N4BP2: variants seen among roughly 807,000 people sequenced by gnomAD.
N4BP2 encodes NEDD4 binding protein 2.
In N4BP2, 91 loss-of-function variants were observed where a neutral mutation model predicts 152.8. The observed-to-expected ratio is 0.60, with a 90% CI of 0.50 to 0.71. N4BP2 has a LOEUF of 0.71. Among genes scored for constraint, N4BP2 ranks in the 30% least tolerant of loss-of-function variants. The probability of loss-of-function intolerance (pLI) is 0.00; values close to 1 mark genes in which losing one functional copy is unlikely to be tolerated. For synonymous variants in N4BP2, 646 were observed against 705.3 expected, an observed-to-expected ratio of 0.92 and a Z score of 1.33; for missense variants, 1,923 against 2,059.1, an observed-to-expected ratio of 0.93 and a Z score of 1.28.
At chr4:40,190,337 T>C in the N4BP2 span, among the ~76,000 whole-genome samples, 4 of 152,256 alleles carry the variant, frequency 2.6e-5, no homozygotes, top group Non-Finnish European at 5.9e-5. Flanking sequence ...GGCAACCAGA[T>C]GGCTTCAGGA....
chr4:40,156,116 A>G lies in N4BP2; in HGVS notation c.*1879A>G, dbSNP rs1477975048. Reference sequence around the variant, plus strand: ...ATTGTTAATGAAATAAGATATTCCTATGTATACATTAGTATGATTTAAGGG... The same window carrying G: ...ATTGTTAATGAAATAAGATATTCCTGTGTATACATTAGTATGATTTAAGGG... On this transcript the variant is annotated 3_prime_UTR_variant, in exon 18 of 18. Transcript: ENST00000261435. 2.0e-5 allele frequency: 3 copies of G among 152,318 alleles called. No homozygotes were observed. Among genetic ancestry groups the G allele is most frequent in the East Asian group, 1.9e-4 (1 of 5,188 alleles). 9.4% of individuals were successfully genotyped at this position (152,318 alleles called of 1,614,324 possible). A position where few individuals can be genotyped will look rare whatever the true frequency, so the allele number is the denominator to read the frequency against.
intron 14 of N4BP2, 137 bp downstream of exon 14, chr4:40,137,219 T>C (rs1175987522): frequency 1.5e-5 from 11 of 717,348 alleles, no homozygotes; most frequent in Non-Finnish European, 2.2e-5. Flanking sequence ...CAATGGCATA[T>C]TTGGCTTATA....
At chr4:40,087,571 C>T (rs1197300637) in intron 2 of N4BP2, among the ~76,000 whole-genome samples, 2 of 151,562 alleles carry the variant, frequency 1.3e-5, no homozygotes, top group Non-Finnish European at 2.9e-5. Context: ...TGCCATGTTG[C>T]GTAGGCTGGT....
the N4BP2 span, among the ~76,000 whole-genome samples, chr4:40,182,630 T>C: frequency 1.3e-5 from 2 of 151,906 alleles, no homozygotes; most frequent in African/African-American, 2.4e-5. Context: ...TTTTTTTTTG[T>C]AGAGACGAGG....
downstream of N4BP2, among the ~76,000 whole-genome samples, chr4:40,158,971 C>A (rs1445074176): frequency 6.6e-6 from 1 of 152,112 alleles, no homozygotes; most frequent in Non-Finnish European, 1.5e-5. Flanking sequence ...TATAATTATT[C>A]TTATCAACTC....
At chr4:40,116,588 C>T (rs1424888601) in intron 7 of N4BP2, among the ~76,000 whole-genome samples, 5 of 152,108 alleles carry the variant, frequency 3.3e-5, no homozygotes, top group Non-Finnish European at 7.4e-5. Context: ...TGACACTTGC[C>T]TCCCTCTCAA....
rs538656376 is a variant in N4BP2 at position 40,061,932 on chromosome 4, TG to T, written c.-212+4906del. On this transcript the variant is annotated intron_variant, in intron 1 of 17. Coordinates refer to ENST00000261435, the MANE Select transcript of N4BP2 (RefSeq NM_018177.6). ...TGCCTGCCTCGGCCTCCCAAAGTGC[TG>T]GGGTTACAGGTGTGAACCACCATGC... Among the ~76,000 whole-genome samples, 213 of 152,330 alleles carry T rather than the reference TG, an allele frequency of 1.4e-3. 2 individuals are homozygous for T. The highest frequency in any genetic ancestry group is 4.9e-3 in the African/African-American group (202 of 41,578).
At chr4:40,132,479 C>T (rs1389897811) in intron 13 of N4BP2, among the ~76,000 whole-genome samples, 1 of 151,982 alleles carries the variant, frequency 6.6e-6, no homozygotes, top group Non-Finnish European at 1.5e-5. Context: ...AATGACTAAC[C>T]AAATGAATGG....
chr4:40,085,282 C>A lies in N4BP2; in HGVS notation c.-115+11731C>A, dbSNP rs182101014. ...TGGTCTTGACCTCAGGCAATCTGCC[C>A]GCCTCAGCCTCCCAAAGTGCTGGGA... On this transcript the variant is annotated intron_variant, in intron 2 of 17. Transcript: ENST00000261435. Among the ~76,000 whole-genome samples the A allele has an allele frequency of 2.3e-3, 354 of 151,666 alleles. 7 individuals carry two copies. The highest frequency in any genetic ancestry group is 0.021 in the Admixed American group (324 of 15,202).
intron 16 of N4BP2, among the ~76,000 whole-genome samples, chr4:40,147,675 T>G (rs571611820): frequency 1.6e-5 from 2 of 127,670 alleles, no homozygotes; most frequent in South Asian, 2.7e-4. Flanking sequence ...GCTGGCCGGG[T>G]GGGGGCTGAC....
intron 5 of N4BP2, among the ~76,000 whole-genome samples, chr4:40,111,122 A>C (rs148061796): frequency 5.3e-4 from 81 of 152,134 alleles, no homozygotes; most frequent in African/African-American, 1.9e-3. Flanking sequence ...TGAATATTAG[A>C]TATATGGAAA....
In N4BP2 at chr4:40,107,542, C is replaced by T. The variant is rs1347792556; in HGVS notation, c.1498+518C>T. On this transcript the variant is annotated intron_variant, in intron 5 of 17. Transcript: ENST00000261435. Reference sequence around the variant, plus strand: ...GGGATTACAGGTGCATGCCACCGCACCTGGCTAATTTTTGTATTTTTTATA... The same window carrying T: ...GGGATTACAGGTGCATGCCACCGCATCTGGCTAATTTTTGTATTTTTTATA... 1.3e-5 allele frequency among the ~76,000 whole-genome samples: 2 copies of T among 152,094 alleles called. 1 individual carries two copies. The highest frequency in any genetic ancestry group is 4.1e-4 in the South Asian group (2 of 4,826).
intron 2 of N4BP2, among the ~76,000 whole-genome samples, chr4:40,082,617 ACT>A (rs1713498591): frequency 6.6e-6 from 1 of 152,008 alleles, no homozygotes; most frequent in African/African-American, 2.4e-5. Context: ...ACAGAGTGAG[ACT>A]CTGTCTCCAA....
intron 2 of N4BP2, among the ~76,000 whole-genome samples, chr4:40,075,281 G>C (rs1291518419): frequency 1.3e-5 from 2 of 152,124 alleles, no homozygotes; most frequent in East Asian, 3.8e-4. Context: ...ATTATAGACA[G>C]TATTGATGTA....
chr4:40,127,838 T>A (rs1004652927), intron 12 of N4BP2, among the ~76,000 whole-genome samples: 5 of 152,106 alleles, frequency 3.3e-5, no homozygotes, highest in African/African-American at 1.2e-4. Context: ...TTTTTTGTAT[T>A]TTTTAGTAGA....
At chr4:40,147,908 C>T (rs1391823851) in intron 16 of N4BP2, among the ~76,000 whole-genome samples, 3 of 149,096 alleles carry the variant, frequency 2.0e-5, no homozygotes, top group African/African-American at 7.5e-5. Flanking sequence ...GGGGCAGAGG[C>T]GCTCCCCACA....
intron 2 of N4BP2, among the ~76,000 whole-genome samples, chr4:40,094,539 T>C (rs915071648): frequency 2.6e-5 from 4 of 152,148 alleles, no homozygotes; most frequent in African/African-American, 9.6e-5. Flanking sequence ...AGGGTTGCTA[T>C]ATCTTTTTTA....
At chr4:40,058,508 A>C (rs961702408) in intron 1 of N4BP2, among the ~76,000 whole-genome samples, 5 of 152,172 alleles carry the variant, frequency 3.3e-5, no homozygotes, top group African/African-American at 1.2e-4. Flanking sequence ...AGGAGGCTAC[A>C]ATTTAGTTAA....
At chr4:40,090,828 G>A (rs1266089643) in intron 2 of N4BP2, among the ~76,000 whole-genome samples, 1 of 151,728 alleles carries the variant, frequency 6.6e-6, no homozygotes, top group African/African-American at 2.4e-5. Context: ...AGCTACTCAG[G>A]AGGCTGAGGC....
Sources: gnomAD v4.1 joint callset for allele counts (sites outside exome capture counted in the v4.1 genomes callset) on GRCh38, gnomAD v4.1.1 for gene constraint, MANE v1.5 for transcripts, NCBI Gene and HGNC (gene_info 2026-07-23, HGNC 2026-07-21) for gene names.